The following ACTR3 variants were observed in gnomAD, a reference collection of about 807,000 sequenced individuals.
The protein encoded by ACTR3 is actin related protein 3.
In ACTR3, 12 loss-of-function variants were observed where a neutral mutation model predicts 56.8. That is an observed-to-expected ratio of 0.21 (90% CI 0.14 to 0.34). ACTR3 has a LOEUF of 0.34. ACTR3 is among the 10% of genes least tolerant of loss of function. The pLI, the probability that ACTR3 is intolerant of heterozygous loss-of-function variation, is 1.00. For synonymous variants in ACTR3, 162 were observed against 167.4 expected (o/e 0.97, Z 0.25); for missense variants, 282 against 512.5 (o/e 0.55, Z 4.34).
intron 3 of ACTR3, among the ~76,000 whole-genome samples, chr2:113,918,371 T>G (rs1012878819): frequency 4.0e-5 from 6 of 151,122 alleles, no homozygotes; most frequent in Non-Finnish European, 7.4e-5. Flanking sequence ...ACTTGAAGAT[T>G]TTTTTCTTTT....
intron 8 of ACTR3, among the ~76,000 whole-genome samples, chr2:113,949,484 A>G (rs6734273): frequency 0.12 from 17,679 of 151,942 alleles, 1,616 homozygotes; most frequent in East Asian, 0.36. Flanking sequence ...ATGTCTCTCA[A>G]CTAGGACAAC....
Position 113,927,416 on chromosome 2 carries a change from A to G in ACTR3, c.297A>G (p.Lys99=), listed in dbSNP as rs1392312034. The G allele has an allele frequency of 1.3e-6, 2 of 1,595,272 alleles. No individual in the cohort carries two copies. The highest frequency in any genetic ancestry group is 4.5e-5 in the East Asian group (2 of 44,396). The change falls in exon 4 of 12, where the codon AAA becomes AAG. Residue 99 remains lysine (K), a synonymous_variant. Coordinates refer to ENST00000263238, the MANE Select transcript of ACTR3 (RefSeq NM_005721.5). ...GGTTTATGGAGCAAGTGATCTTTAA[A>G]TATTTAAGGGCAGAACCTGAAGACC... The part of the protein sequence containing the change: ...MERFMEQVIF[K]YLRAEPEDHY...
At chr2:113,952,108 T>C (rs1680131424) in intron 10 of ACTR3, 1 of 344,994 alleles carries the variant, frequency 2.9e-6, no homozygotes, top group Non-Finnish European at 5.3e-6. Context: ...TCATAGATAA[T>C]TAATATAGTA....
At position 113,940,076 on chromosome 2, in the gene ACTR3, T is replaced by A; in HGVS notation, c.658T>A (p.Ser220Thr). The A allele has an allele frequency of 6.2e-7, 1 of 1,612,622 alleles. No homozygotes were observed. Among genetic ancestry groups the A allele is most frequent in the Non-Finnish European group, 8.5e-7 (1 of 1,179,480 alleles). The change falls in exon 7 of 12, where the codon TCC (serine) becomes ACC (threonine). Residue 220 changes from serine (S) to threonine (T), a missense_variant. Transcript: ENST00000263238. ...AGAAGTAGGAATCCCTCCAGAACAA[T>A]CCTTGGAAACTGCTAAGGCAGTAAA... Reference protein sequence around the residue: ...DREVGIPPEQSLETAKAVKER... With the variant: ...DREVGIPPEQTLETAKAVKER...
intron 8 of ACTR3, among the ~76,000 whole-genome samples, chr2:113,944,257 A>G (rs774158610): frequency 6.6e-6 from 1 of 152,132 alleles, no homozygotes; most frequent in Non-Finnish European, 1.5e-5. Flanking sequence ...AGAGATGGCT[A>G]TGAAAGAAAA....
chr2:113,923,995 G>T (rs1475621623), intron 3 of ACTR3, among the ~76,000 whole-genome samples: 2 of 150,924 alleles, frequency 1.3e-5, no homozygotes, highest in Non-Finnish European at 1.5e-5. Context: ...TTGATTAATG[G>T]ATCTGGTCCA....
intron 5 of ACTR3, among the ~76,000 whole-genome samples, chr2:113,932,766 A>G (rs866088153): frequency 6.6e-6 from 1 of 152,188 alleles, no homozygotes; most frequent in Non-Finnish European, 1.5e-5. Flanking sequence ...GTATATATAT[A>G]TATAACTAGT....
intron 5 of ACTR3, among the ~76,000 whole-genome samples, chr2:113,933,049 T>G (rs1362833228): frequency 6.6e-6 from 1 of 152,230 alleles, no homozygotes; most frequent in Non-Finnish European, 1.5e-5. Flanking sequence ...TATGTTAATT[T>G]CTTAATTCTC....
intron 3 of ACTR3, among the ~76,000 whole-genome samples, chr2:113,921,689 TTTGAC>T (rs1679514520): frequency 6.6e-6 from 1 of 152,190 alleles, no homozygotes; most frequent in South Asian, 2.1e-4. Flanking sequence ...GAGAAACACT[TTTGAC>T]TGGGTAGTGT....
At chr2:113,918,401 T>A (rs1488066700) in intron 3 of ACTR3, among the ~76,000 whole-genome samples, 1 of 151,198 alleles carries the variant, frequency 6.6e-6, no homozygotes, top group African/African-American at 2.4e-5. Flanking sequence ...TTTTTTTTTT[T>A]AAGACAAAGC....
At chr2:113,890,983 A>G (rs1049489895) in intron 1 of ACTR3, among the ~76,000 whole-genome samples, 3 of 152,166 alleles carry the variant, frequency 2.0e-5, no homozygotes, top group Non-Finnish European at 4.4e-5. Context: ...GAAAGATGTC[A>G]TGTGTTACTT....
intron 3 of ACTR3, among the ~76,000 whole-genome samples, chr2:113,920,752 T>C (rs1256488229): frequency 2.6e-5 from 4 of 152,208 alleles, no homozygotes; most frequent in Non-Finnish European, 5.9e-5. Flanking sequence ...TTTTTTATCT[T>C]TTAGTCCCTG....
At chr2:113,951,620 A>T in intron 9 of ACTR3, 49 bp downstream of exon 9, 1 of 1,546,368 alleles carries the variant, frequency 6.5e-7, no homozygotes, top group East Asian at 2.3e-5. Context: ...AAAAAACTTA[A>T]ACACCTCTCA....
chr2:113,897,651 C>T (rs913462516), intron 1 of ACTR3, among the ~76,000 whole-genome samples: 2 of 151,118 alleles, frequency 1.3e-5, no homozygotes, highest in Non-Finnish European at 1.5e-5. Context: ...CTCAGCCTCC[C>T]GAGTAGCTGG....
rs1221461746 is a variant in ACTR3, at chr2:113,958,563, T to A, written c.*1108T>A. On this transcript the variant is annotated 3_prime_UTR_variant, in exon 12 of 12. Transcript: ENST00000263238. ...AAATATCTGGATTATGAAGAAAAAGTGATGAAAATAAATTAAAACTGAATT... is the reference window on the plus strand; with the variant it reads ...AAATATCTGGATTATGAAGAAAAAGAGATGAAAATAAATTAAAACTGAATT... The A allele has an allele frequency of 1.3e-5, 2 of 152,246 alleles. No homozygotes were observed. Among genetic ancestry groups the A allele is most frequent in the Non-Finnish European group, 2.9e-5 (2 of 67,936 alleles). The allele number at this position is 152,246 out of a possible 1,614,324, so 9.4% of individuals were successfully genotyped here.
intron 6 of ACTR3, among the ~76,000 whole-genome samples, chr2:113,938,016 G>T (rs1270594518): frequency 6.6e-6 from 1 of 151,834 alleles, no homozygotes; most frequent in South Asian, 2.1e-4. Flanking sequence ...ATGATGCTCT[G>T]TACATTTATT....
At chr2:113,936,382 TTAG>T (rs909854937) in intron 6 of ACTR3, among the ~76,000 whole-genome samples, 5 of 151,886 alleles carry the variant, frequency 3.3e-5, no homozygotes, top group African/African-American at 9.7e-5. Context: ...TTCTTTAGAA[TTAG>T]TAGAGTATTT....
chr2:113,959,752 A>ACTAAATAGT lies in ACTR3; in HGVS notation c.*2300_*2308dup, dbSNP rs1680293057. ...AATATGTAGAGGTTGGCCAAGGTGAACTAAATAGTCTGTAACATTGATTAG... is the reference window on the plus strand; with the variant it reads ...AATATGTAGAGGTTGGCCAAGGTGAACTAAATAGTCTAAATAGTCTGTAACATTGATTAG... On this transcript the variant is annotated 3_prime_UTR_variant, in exon 12 of 12. Coordinates refer to ENST00000263238, the MANE Select transcript of ACTR3 (RefSeq NM_005721.5). 6.6e-6 allele frequency: 1 copy of ACTAAATAGT among 152,044 alleles called. No homozygotes were observed. The highest frequency in any genetic ancestry group is 6.6e-5 in the Admixed American group (1 of 15,250). 9.4% of individuals were successfully genotyped at this position (152,044 alleles called of 1,614,324 possible).
At chr2:113,942,697 G>T (rs552998317) in intron 8 of ACTR3, among the ~76,000 whole-genome samples, 2 of 151,764 alleles carry the variant, frequency 1.3e-5, no homozygotes, top group East Asian at 3.9e-4. Flanking sequence ...AAAATATTTT[G>T]GGAAAGGTTC....
Sources: gnomAD v4.1 joint callset for allele counts (sites outside exome capture counted in the v4.1 genomes callset) on GRCh38, gnomAD v4.1.1 for gene constraint, MANE v1.5 for transcripts, NCBI Gene and HGNC (gene_info 2026-07-23, HGNC 2026-07-21) for gene names.